PSMD5: variants seen among roughly 807,000 people sequenced by gnomAD.
The protein encoded by PSMD5 is 26S proteasome non-ATPase regulatory subunit 5.
A neutral mutation model predicts 52.1 loss-of-function variants in PSMD5; 40 were observed. The ratio of observed to expected loss-of-function variants is 0.77; its 90% CI spans 0.60 to 1.00. The LOEUF (loss-of-function observed/expected upper bound fraction) is 1.00, where lower values mean the gene tolerates loss of function less well. PSMD5 is among the 50% of genes least tolerant of loss of function. The pLI is 0.00. For synonymous variants in PSMD5, 211 were observed against 226.6 expected (o/e 0.93, Z 0.62); for missense variants, 575 against 605.2 (o/e 0.95, Z 0.52).
At chr9:120,818,435 AAAT>A (rs2045060164) in intron 9 of PSMD5, among the ~76,000 whole-genome samples, 1 of 152,350 alleles carries the variant, frequency 6.6e-6, no homozygotes, top group East Asian at 1.9e-4. Flanking sequence ...ATAGCAATAA[AAAT>A]AAACATTAAC....
At chr9:120,839,088 A>C (rs926372867) in intron 1 of PSMD5, among the ~76,000 whole-genome samples, 5 of 152,224 alleles carry the variant, frequency 3.3e-5, no homozygotes, top group Non-Finnish European at 7.3e-5. Context: ...AGTGGGCCTA[A>C]AAGGATGGAC....
intron 2 of PSMD5, among the ~76,000 whole-genome samples, chr9:120,832,383 T>C (rs1386760343): frequency 6.6e-6 from 1 of 151,096 alleles, no homozygotes; most frequent in East Asian, 1.9e-4. Context: ...TCTTCCCCCT[T>C]TCCCCCAACC....
intron 9 of PSMD5, among the ~76,000 whole-genome samples, chr9:120,819,693 C>T (rs187199604): frequency 2.0e-5 from 3 of 152,196 alleles, no homozygotes; most frequent in Non-Finnish European, 2.9e-5. Context: ...AGAAATTAGT[C>T]GGGCATGGTG....
At chr9:120,822,192 A>C (rs1778503311) in intron 7 of PSMD5, among the ~76,000 whole-genome samples, 1 of 152,226 alleles carries the variant, frequency 6.6e-6, no homozygotes, top group South Asian at 2.1e-4. Flanking sequence ...GCTCTCATAC[A>C]CTATGACCTC....
chr9:120,824,990 C>T (rs2045112900), intron 6 of PSMD5: 2 of 216,008 alleles, frequency 9.3e-6, no homozygotes, highest in Non-Finnish European at 1.8e-5. Flanking sequence ...GACTCATTAC[C>T]AGGAAGAAAT....
intron 1 of PSMD5, among the ~76,000 whole-genome samples, chr9:120,840,084 G>A (rs566604648): frequency 7.3e-6 from 1 of 137,076 alleles, no homozygotes; most frequent in Non-Finnish European, 1.5e-5. Flanking sequence ...CTTACATCCT[G>A]CCACTGCACT....
chr9:120,823,485 A>C lies in PSMD5; in HGVS notation c.1006+1009T>G, dbSNP rs12380489. 6.4e-3 allele frequency among the ~76,000 whole-genome samples: 943 copies of C among 148,156 alleles called. 3 individuals are homozygous for C. The highest frequency in any genetic ancestry group is 0.018 in the Middle Eastern group (5 of 276). On this transcript the variant is annotated intron_variant, in intron 7 of 9. Transcript: ENST00000210313. ...TGGCCTCCCAAAATGCTGGGATTAC[A>C]GGCATGAGCCACCATACCTGGCCTC...
chr9:120,820,915 T>C lies in PSMD5; in HGVS notation c.1181A>G (p.Asp394Gly). 1 of 1,609,482 alleles carries C rather than the reference T, an allele frequency of 6.2e-7. No individual in the cohort carries two copies. Among genetic ancestry groups the C allele is most frequent in the Non-Finnish European group, 8.5e-7 (1 of 1,178,762 alleles). Reference protein sequence around the residue: ...TESWFSSLSRDPLELFRGISS... With the variant: ...TESWFSSLSRGPLELFRGISS... ...AATGCCACGGAAGAGCTCCAGTGGA[T>C]CCCGAGATAAAGAAGAAAACCAGGA... The change falls in exon 9 of 10, where the codon GAT becomes GGT. Residue 394 changes from aspartate to glycine, a missense_variant. Transcript: ENST00000210313.
chr9:120,831,312 AGT>A lies in PSMD5; in HGVS notation c.561+17_561+18del, dbSNP rs1229080009. 6.4e-7 allele frequency: 1 copy of A among 1,566,698 alleles called. No individual in the cohort carries two copies. The highest frequency in any genetic ancestry group is 8.6e-7 in the Non-Finnish European group (1 of 1,159,752). On this transcript the variant is annotated intron_variant, in intron 4 of 9. Transcript: ENST00000210313. The stretch of plus-strand genomic sequence containing the variant: ...GCATTCTGCTTTGTAAGCATGAGAA[AGT>A]GTGCTTTTTATCTTACCTCATACAC...
chr9:120,834,702 A>G (rs2045186840), intron 1 of PSMD5, among the ~76,000 whole-genome samples: 1 of 152,240 alleles, frequency 6.6e-6, no homozygotes, highest in Admixed American at 6.5e-5. Context: ...TGGAATTTAG[A>G]CTTCTTCCAG....
chr9:120,824,716 A>G, intron 6 of PSMD5, 31 bp from the exon 7 acceptor site: 2 of 1,545,206 alleles, frequency 1.3e-6, no homozygotes, highest in Non-Finnish European at 1.8e-6. Flanking sequence ...ATATTTTAAT[A>G]GGGGAACAAG....
Position 120,831,339 on chromosome 9 carries a change from C to T in PSMD5, c.553G>A (p.Val185Met). The T allele has an allele frequency of 6.2e-7, 1 of 1,605,600 alleles. No homozygotes were observed. The highest frequency in any genetic ancestry group is 8.5e-7 in the Non-Finnish European group (1 of 1,177,334). Residue 185 changes from valine (V) to methionine (M), a missense_variant, in exon 4 of 10, where the codon GTG becomes ATG. By Grantham distance (21) the Val-to-Met change is conservative (BLOSUM62 1). Transcript: ENST00000210313. ...MKTNDIVRYRVYELIIEISSV... is the reference protein window; with the variant it reads ...MKTNDIVRYRMYELIIEISSV... ...TGTGCTTTTTATCTTACCTCATACA[C>T]CCTGTATCGAACAATGTCATTTGTT...
intron 6 of PSMD5, among the ~76,000 whole-genome samples, chr9:120,825,266 T>C (rs1170120955): frequency 1.3e-5 from 2 of 152,190 alleles, no homozygotes; most frequent in Admixed American, 1.3e-4. Flanking sequence ...ATAGCACTGA[T>C]GTTTCCAGAA....
intron 1 of PSMD5, among the ~76,000 whole-genome samples, chr9:120,840,380 A>G (rs921878695): frequency 6.6e-6 from 1 of 151,800 alleles, no homozygotes; most frequent in African/African-American, 2.4e-5. Context: ...TCAGCCTCCC[A>G]AAGTGTTAGG....
chr9:120,823,826 T>G (rs917557551), intron 7 of PSMD5, among the ~76,000 whole-genome samples: 3 of 152,022 alleles, frequency 2.0e-5, no homozygotes, highest in Non-Finnish European at 4.4e-5. Flanking sequence ...GCCAAAAGTA[T>G]CTCTTAACAT....
At chr9:120,834,510 A>T (rs2045185299) in intron 1 of PSMD5, among the ~76,000 whole-genome samples, 1 of 152,226 alleles carries the variant, frequency 6.6e-6, no homozygotes, top group African/African-American at 2.4e-5. Flanking sequence ...GAGTAGCAGC[A>T]CATGAAAAGG....
chr9:120,829,232 A>G, intron 4 of PSMD5, 24 bp from the exon 5 acceptor site: 2 of 1,561,528 alleles, frequency 1.3e-6, no homozygotes, highest in African/African-American at 1.4e-5. Context: ...AAAAACACAG[A>G]AAAAAGAAAA....
chr9:120,817,702 G>C lies in PSMD5; in HGVS notation c.*204C>G. On this transcript the variant is annotated 3_prime_UTR_variant, in exon 10 of 10. Transcript: ENST00000210313. Reference sequence around the variant, plus strand: ...CACTGGATCTATTATGACCAAGCTTGTCTGCTCTTAATGCATTCCAAACTC... The same window carrying C: ...CACTGGATCTATTATGACCAAGCTTCTCTGCTCTTAATGCATTCCAAACTC... The C allele has an allele frequency of 1.7e-6, 1 of 580,904 alleles. No individual in the cohort carries two copies. The highest frequency in any genetic ancestry group is 2.7e-5 in the South Asian group (1 of 37,246). The allele number at this position is 580,904 out of a possible 1,614,324, so 36.0% of individuals were successfully genotyped here.
chr9:120,826,934 G>A (rs756042777), intron 5 of PSMD5, 27 bp from the exon 6 acceptor site: 1 of 1,595,852 alleles, frequency 6.3e-7, no homozygotes, highest in South Asian at 1.1e-5. Context: ...ACAAAAACAA[G>A]GAGATTTTGC....
Sources: gnomAD v4.1 joint callset for allele counts (sites outside exome capture counted in the v4.1 genomes callset) on GRCh38, gnomAD v4.1.1 for gene constraint, MANE v1.5 for transcripts, NCBI Gene and HGNC (gene_info 2026-07-23, HGNC 2026-07-21) for gene names.